ADSS2: variants seen among roughly 807,000 people sequenced by gnomAD.
ADSS2 encodes adenylosuccinate synthetase isozyme 2.
Under a neutral mutation model 60.0 loss-of-function variants are expected in ADSS2, and 30 were observed. That is an observed-to-expected ratio of 0.50 (90% CI 0.37 to 0.68). ADSS2 has a LOEUF of 0.68. ADSS2 is among the 30% of genes least tolerant of loss of function. The pLI is 0.00. For missense variants in ADSS2, 373 were observed against 554.8 expected (o/e 0.67, Z 3.29); for synonymous variants, 187 against 193.1 (o/e 0.97, Z 0.26).
chr1:244,427,085 C>G (rs1169935322), intron 4 of ADSS2, among the ~76,000 whole-genome samples: 3 of 152,136 alleles, frequency 2.0e-5, no homozygotes, highest in Non-Finnish European at 4.4e-5. Flanking sequence ...AACCACTTCT[C>G]AGGCCATTTT....
At chr1:244,426,875 G>A (rs1157372593) in intron 4 of ADSS2, among the ~76,000 whole-genome samples, 4 of 151,948 alleles carry the variant, frequency 2.6e-5, no homozygotes, top group African/African-American at 9.7e-5. Flanking sequence ...ATGCTACATC[G>A]ATTACATATT....
chr1:244,420,583 C>T lies in ADSS2; in HGVS notation c.664-287G>A, dbSNP rs546060473. On this transcript the variant is annotated intron_variant, in intron 7 of 12. Coordinates refer to ENST00000366535, the MANE Select transcript of ADSS2 (RefSeq NM_001126.5). ...AATAAAACCCTCCCAGCAAAGTAGT[C>T]ATACTTCATAAACCAGCTTTCAGGA... 6.6e-5 allele frequency among the ~76,000 whole-genome samples: 10 copies of T among 152,274 alleles called. No homozygotes were observed. In the South Asian group the frequency reaches 1.9e-3, roughly 28 times the overall value.
Position 244,409,433 on chromosome 1 carries a change from A to G in ADSS2, c.*153T>C. 1.7e-6 allele frequency: 1 copy of G among 585,422 alleles called. No individual in the cohort carries two copies. Among genetic ancestry groups the G allele is most frequent in the Non-Finnish European group, 3.0e-6 (1 of 331,940 alleles). The allele number at this position is 585,422 out of a possible 1,614,324, so 36.3% of individuals were successfully genotyped here. A position where few individuals can be genotyped will look rare whatever the true frequency, so the allele number is the denominator to read the frequency against. On this transcript the variant is annotated 3_prime_UTR_variant, in exon 13 of 13. Coordinates refer to ENST00000366535, the MANE Select transcript of ADSS2 (RefSeq NM_001126.5). ...GGAATATGCCAAAGTTAATCTCCAC[A>G]GTAGGCATCCATCTGAAAAGACTGG...
At chr1:244,443,679 C>T (rs576643262) in intron 1 of ADSS2, among the ~76,000 whole-genome samples, 4 of 152,336 alleles carry the variant, frequency 2.6e-5, no homozygotes, top group African/African-American at 9.6e-5. Flanking sequence ...ATCATCCTTG[C>T]ATCTGAATAT....
chr1:244,436,941 C>T (rs1665117077), intron 2 of ADSS2, 48 bp from the exon 3 acceptor site: 7 of 1,499,248 alleles, frequency 4.7e-6, no homozygotes, highest in African/African-American at 2.8e-5. Context: ...ATAACTCAGA[C>T]ATATGTAACT....
intron 10 of ADSS2, among the ~76,000 whole-genome samples, chr1:244,417,070 C>T (rs971668341): frequency 1.3e-5 from 2 of 152,060 alleles, no homozygotes; most frequent in Admixed American, 6.5e-5. Context: ...CTTAACTTTC[C>T]CTGAGCACTT....
At chr1:244,418,259 T>C (rs1335971155) in intron 9 of ADSS2, among the ~76,000 whole-genome samples, 2 of 152,224 alleles carry the variant, frequency 1.3e-5, no homozygotes, top group Non-Finnish European at 2.9e-5. Flanking sequence ...CTTAAAGCTA[T>C]CATTTCATTA....
At chr1:244,437,360 T>A (rs1665131045) in intron 2 of ADSS2, among the ~76,000 whole-genome samples, 1 of 152,150 alleles carries the variant, frequency 6.6e-6, no homozygotes, top group Non-Finnish European at 1.5e-5. Context: ...TGGTTGAAAG[T>A]ATTTGTGGAA....
intron 11 of ADSS2, among the ~76,000 whole-genome samples, chr1:244,414,773 A>G (rs1664492223): frequency 6.6e-6 from 1 of 152,188 alleles, no homozygotes; most frequent in Non-Finnish European, 1.5e-5. Context: ...CTCTCCAGGA[A>G]CTGCTCTTGG....
chr1:244,445,093 G>A (rs1296151089), intron 1 of ADSS2, among the ~76,000 whole-genome samples: 2 of 152,186 alleles, frequency 1.3e-5, no homozygotes, highest in Admixed American at 1.3e-4. Context: ...AGTCTGAGAT[G>A]CCTGTCACCT....
At position 244,417,506 on chromosome 1, in the gene ADSS2, C is replaced by T. The variant is rs1664561069; in HGVS notation, c.1070+122G>A. 126 of 1,248,598 alleles carry T rather than the reference C, an allele frequency of 1.0e-4. 2 individuals are homozygous for T. In the South Asian group the frequency reaches 1.8e-3, roughly 18 times the overall value. The allele number at this position is 1,248,598 out of a possible 1,614,324, so 77.3% of individuals were successfully genotyped here. ...TATCTTGGTCTACTTCTGCCTGGCA[C>T]TACAATTTCAATATGGAGTCTAAAG... is the stretch of plus-strand genomic sequence containing the variant. On this transcript the variant is annotated intron_variant, in intron 10 of 12. Coordinates refer to ENST00000366535, the MANE Select transcript of ADSS2 (RefSeq NM_001126.5).
At chr1:244,432,086 G>A (rs1664959016) in intron 4 of ADSS2, among the ~76,000 whole-genome samples, 1 of 152,204 alleles carries the variant, frequency 6.6e-6, no homozygotes. Context: ...AAATAACAGA[G>A]AAGAAAATCC....
At chr1:244,410,513 CA>C (rs1412622947) in intron 12 of ADSS2, among the ~76,000 whole-genome samples, 2 of 43,566 alleles carry the variant, frequency 4.6e-5, no homozygotes, top group Admixed American at 2.9e-4. Context: ...TTTTTTCTTA[CA>C]TTTTTTTCTA....
At chr1:244,412,566 T>A (rs1354194332) in intron 11 of ADSS2, among the ~76,000 whole-genome samples, 2 of 152,158 alleles carry the variant, frequency 1.3e-5, no homozygotes, top group Non-Finnish European at 2.9e-5. Flanking sequence ...TGAACGCTAT[T>A]CACGAACTGG....
At chr1:244,417,509 C>G (rs1664561149) in intron 10 of ADSS2, 119 bp downstream of exon 10, 1 of 1,276,868 alleles carries the variant, frequency 7.8e-7, no homozygotes, top group African/African-American at 1.5e-5. Flanking sequence ...CCTGGCACTA[C>G]AATTTCAATA....
chr1:244,415,512 ATTCC>A (rs1664508429), intron 11 of ADSS2, among the ~76,000 whole-genome samples: 1 of 152,258 alleles, frequency 6.6e-6, no homozygotes, highest in South Asian at 2.1e-4. Flanking sequence ...CATTTGGCAT[ATTCC>A]TAATCCTTAT....
chr1:244,432,442 A>T, intron 4 of ADSS2, 103 bp downstream of exon 4: 2 of 844,380 alleles, frequency 2.4e-6, no homozygotes, highest in Non-Finnish European at 3.7e-6. Flanking sequence ...CATCCTACTT[A>T]CGCTAAATAA....
At chr1:244,417,101 C>T (rs1558269400) in intron 10 of ADSS2, among the ~76,000 whole-genome samples, 2 of 152,182 alleles carry the variant, frequency 1.3e-5, no homozygotes, top group Non-Finnish European at 2.9e-5. Context: ...AGGCAGTGTG[C>T]TATAGGCTCT....
At chr1:244,441,738 C>G (rs1037285280) in intron 1 of ADSS2, among the ~76,000 whole-genome samples, 21 of 152,160 alleles carry the variant, frequency 1.4e-4, no homozygotes, top group African/African-American at 5.1e-4. Flanking sequence ...GGGTAGGTCA[C>G]AAGGTCAGGA....
Sources: gnomAD v4.1 joint callset for allele counts (sites outside exome capture counted in the v4.1 genomes callset) on GRCh38, gnomAD v4.1.1 for gene constraint, MANE v1.5 for transcripts, NCBI Gene and HGNC (gene_info 2026-07-23, HGNC 2026-07-21) for gene names.